Variants in MTF2 observed in about 807,000 individuals in gnomAD.
MTF2 encodes metal response element binding transcription factor 2, also known as metal-response element-binding transcription factor 2.
MTF2 carries 11 observed loss-of-function variants against 79.5 expected under a neutral mutation model. The observed-to-expected ratio is 0.14, with a 90% CI of 0.09 to 0.23. The LOEUF (loss-of-function observed/expected upper bound fraction) is 0.23. MTF2 is among the 10% of genes least tolerant of loss of function. The pLI is 1.00. For synonymous variants in MTF2, 208 were observed against 232.8 expected (o/e 0.89, Z 0.97); for missense variants, 486 against 711.2 (o/e 0.68, Z 3.60).
Position 93,136,966 on chromosome 1 carries a change from G to A in MTF2, c.1721G>A (p.Arg574Gln). 1.9e-6 allele frequency: 3 copies of A among 1,613,994 alleles called. No individual in the cohort carries two copies. The highest frequency in any genetic ancestry group is 2.5e-6 in the Non-Finnish European group (3 of 1,179,990). The change falls in exon 15 of 15, where the codon CGG (arginine) becomes CAG (glutamine). Residue 574 changes from arginine (R) to glutamine (Q), a missense_variant. Around this residue, in one of 4 missense-constraint regions of MTF2, gnomAD observed 25 missense variants for 56.8 expected, o/e 0.44. Transcript: ENST00000370298. ...CGEKYRVLAR[R>Q]VTLDGKVQYL... is the part of the protein sequence containing the mutation. ...GAAAAATACCGAGTTTTGGCACGTC[G>A]GGTGACACTTGATGGAAAGGTGCAG... is the stretch of plus-strand genomic sequence containing the variant.
chr1:93,081,079 A>C (rs1181783228), intron 1 of MTF2: 1 of 152,222 alleles, frequency 6.6e-6, no homozygotes, highest in Non-Finnish European at 1.5e-5. Flanking sequence ...CTGCTTCCTG[A>C]TACTACATTT....
intron 9 of MTF2, among the ~76,000 whole-genome samples, chr1:93,123,756 TTG>T: frequency 7.2e-6 from 1 of 139,020 alleles, no homozygotes; most frequent in Non-Finnish European, 1.5e-5. Context: ...GTTTCGTGTA[TTG>T]TGTCCCCCCC....
intron 1 of MTF2, 70 bp downstream of exon 1, chr1:93,079,601 A>G (rs1654510725): frequency 6.3e-7 from 1 of 1,583,420 alleles, no homozygotes; most frequent in Non-Finnish European, 8.7e-7. Flanking sequence ...GGAAGAAAGG[A>G]AGCAAGTATA....
At chr1:93,125,897 A>G (rs529811430) in intron 9 of MTF2, among the ~76,000 whole-genome samples, 293 of 152,238 alleles carry the variant, frequency 1.9e-3, no homozygotes, top group African/African-American at 6.9e-3. Context: ...TACTTATGGA[A>G]TGGGCTTTTT....
At chr1:93,117,875 A>T (rs76068367) in intron 6 of MTF2, among the ~76,000 whole-genome samples, 2 of 151,912 alleles carry the variant, frequency 1.3e-5, no homozygotes, top group East Asian at 1.9e-4. Flanking sequence ...TAAAAAAAAA[A>T]TTTGCCTAGC....
At chr1:93,127,028 T>C (rs570037198) in intron 9 of MTF2, among the ~76,000 whole-genome samples, 48 of 152,236 alleles carry the variant, frequency 3.2e-4, no homozygotes, top group African/African-American at 1.1e-3. Flanking sequence ...TATACTTCAT[T>C]TTTTATAAGT....
intron 11 of MTF2, 112 bp downstream of exon 11, chr1:93,129,560 T>A: frequency 2.7e-5 from 8 of 299,640 alleles, no homozygotes; most frequent in Non-Finnish European, 3.4e-5. Context: ...TTACTCTGAT[T>A]TTTTTTTTTT....
At chr1:93,119,570 C>A in intron 8 of MTF2, 169 bp downstream of exon 8, 1 of 551,844 alleles carries the variant, frequency 1.8e-6, no homozygotes, top group Non-Finnish European at 3.2e-6. Context: ...AAGTAACATC[C>A]ACTTGTATTG....
At chr1:93,092,601 A>G (rs879352314) in intron 1 of MTF2, among the ~76,000 whole-genome samples, 1 of 152,024 alleles carries the variant, frequency 6.6e-6, no homozygotes, top group Non-Finnish European at 1.5e-5. Flanking sequence ...TATTTTTTAT[A>G]ATGTTAGATG....
At chr1:93,123,210 CT>C (rs749700655) in intron 9 of MTF2, among the ~76,000 whole-genome samples, 11,906 of 94,268 alleles carry the variant, frequency 0.13, 799 homozygotes, top group African/African-American at 0.24. Context: ...TCAGCTCTTT[CT>C]TTTTTTTTTT....
rs147000258 is a variant in MTF2, at chr1:93,103,397, A to C, written c.6-6833A>C. Among the ~76,000 whole-genome samples the C allele has an allele frequency of 4.8e-3, 721 of 151,774 alleles. 8 individuals carry two copies. Among genetic ancestry groups the C allele is most frequent in the African/African-American group, 0.017 (685 of 41,482 alleles). On this transcript the variant is annotated intron_variant, in intron 1 of 14. Coordinates refer to ENST00000370298, the MANE Select transcript of MTF2 (RefSeq NM_007358.4). ...TGGTTGGAAAGCAGTTTAGCAGCTG[A>C]TGAAAAGATTATTTTATGTGCTTTT...
chr1:93,091,770 TCTTA>T (rs780129775), intron 1 of MTF2, among the ~76,000 whole-genome samples: 2 of 152,260 alleles, frequency 1.3e-5, no homozygotes, highest in African/African-American at 2.4e-5. Context: ...TTCTTGCTTT[TCTTA>T]CTTTGCTGTA....
At chr1:93,129,613 A>G (rs557328400) in intron 11 of MTF2, among the ~76,000 whole-genome samples, 165 bp downstream of exon 11, 1 of 145,358 alleles carries the variant, frequency 6.9e-6, no homozygotes, top group East Asian at 2.0e-4. Context: ...AGGTATGAAG[A>G]GTTGATGCCA....
chr1:93,109,119 T>A (rs891990919), intron 1 of MTF2, among the ~76,000 whole-genome samples: 4 of 152,202 alleles, frequency 2.6e-5, no homozygotes, highest in Non-Finnish European at 5.9e-5. Context: ...TTTTTAGAAT[T>A]ATTATCTAGT....
intron 1 of MTF2, among the ~76,000 whole-genome samples, chr1:93,103,245 A>G (rs1308099124): frequency 6.6e-6 from 1 of 150,982 alleles, no homozygotes; most frequent in African/African-American, 2.4e-5. Flanking sequence ...GTAGTATTTT[A>G]TTATATATAT....
chr1:93,117,255 T>G (rs1656285238), intron 6 of MTF2, among the ~76,000 whole-genome samples: 2 of 152,186 alleles, frequency 1.3e-5, no homozygotes, highest in Non-Finnish European at 2.9e-5. Flanking sequence ...AACCACATAC[T>G]AGCTGGGTGT....
At position 93,106,088 on chromosome 1, in the gene MTF2, C is replaced by T. The variant is rs1242296166; in HGVS notation, c.6-4142C>T. ...AAATGAGGAGGTGGTGGGAAGGGGGCATAAGGAATCAAGGGTAACTATAAT... is the reference window on the plus strand; with the variant it reads ...AAATGAGGAGGTGGTGGGAAGGGGGTATAAGGAATCAAGGGTAACTATAAT... On this transcript the variant is annotated intron_variant, in intron 1 of 14. Coordinates refer to ENST00000370298, the MANE Select transcript of MTF2 (RefSeq NM_007358.4). Among the ~76,000 whole-genome samples, 3 of 151,944 alleles carry T rather than the reference C, an allele frequency of 2.0e-5. No homozygotes were observed. In the East Asian group the frequency reaches 5.8e-4, roughly 29 times the overall value.
At chr1:93,106,294 G>A (rs1168115647) in intron 1 of MTF2, among the ~76,000 whole-genome samples, 2 of 152,086 alleles carry the variant, frequency 1.3e-5, no homozygotes, top group African/African-American at 2.4e-5. Context: ...TGAAAGAAGG[G>A]GATAATTTAT....
chr1:93,105,261 G>A (rs1386877886), intron 1 of MTF2, among the ~76,000 whole-genome samples: 4 of 152,106 alleles, frequency 2.6e-5, no homozygotes, highest in East Asian at 3.8e-4. Context: ...GACATTAAGC[G>A]TGTATAACTT....
Sources: allele counts gnomAD v4.1 joint callset (sites outside exome capture counted in the v4.1 genomes callset), GRCh38; gene constraint gnomAD v4.1.1; regional missense constraint gnomAD v4.1.1; transcripts MANE v1.5; gene names NCBI Gene and HGNC (gene_info 2026-07-23, HGNC 2026-07-21).